The following USP34 variants were observed in gnomAD, a reference collection of about 807,000 sequenced individuals.
USP34 encodes the protein ubiquitin carboxyl-terminal hydrolase 34.
Under a neutral mutation model 460.3 loss-of-function variants are expected in USP34, and 70 were observed. The ratio of observed to expected loss-of-function variants is 0.15; its 90% confidence interval spans 0.13 to 0.19. USP34 has a LOEUF of 0.19. Ranked by LOEUF, USP34 falls within the 10% of genes least tolerant of loss-of-function variation. The pLI, the probability that USP34 is intolerant of heterozygous loss-of-function variation, is 1.00. For missense variants in USP34, 3,985 were observed against 4,236.2 expected (o/e 0.94, Z 1.65); for synonymous variants, 1,647 against 1,405.3 (o/e 1.17, Z -3.85).
intron 10 of USP34, among the ~76,000 whole-genome samples, chr2:61,365,496 T>C (rs1045236937): frequency 2.0e-5 from 3 of 151,970 alleles, no homozygotes; most frequent in Non-Finnish European, 4.4e-5. Flanking sequence ...TCTTTAAGAA[T>C]AAACAAAAGA....
chr2:61,391,003 G>A (rs975698881), intron 5 of USP34, among the ~76,000 whole-genome samples: 4 of 152,028 alleles, frequency 2.6e-5, no homozygotes, highest in Non-Finnish European at 5.9e-5. Flanking sequence ...GCTAAGGCAG[G>A]AGAATCGCTT....
intron 3 of USP34, among the ~76,000 whole-genome samples, chr2:61,400,110 ATTTT>A (rs70963424): frequency 3.5e-5 from 5 of 141,708 alleles, no homozygotes; most frequent in Admixed American, 7.1e-5. Flanking sequence ...AGGAAAGGCA[ATTTT>A]TTTTTTTTTT....
In USP34 at chr2:61,232,423, T is replaced by A. The variant is rs370341603; in HGVS notation, c.7113+29A>T. 932 of 1,540,168 alleles carry A rather than the reference T, an allele frequency of 6.1e-4. 8 individuals carry two copies. In the South Asian group the frequency reaches 9.1e-3, roughly 15 times the overall value. On this transcript the variant is annotated intron_variant, in intron 58 of 79. Transcript: ENST00000398571. ...AATTGAAAGTAACTTCTTTTCCAAATAATTTTTTTCAAACATATTTTTCCT... is the reference window on the plus strand; with the variant it reads ...AATTGAAAGTAACTTCTTTTCCAAAAAATTTTTTTCAAACATATTTTTCCT...
intron 10 of USP34, among the ~76,000 whole-genome samples, chr2:61,360,409 C>T (rs1235355700): frequency 6.6e-6 from 1 of 152,118 alleles, no homozygotes; most frequent in Non-Finnish European, 1.5e-5. Flanking sequence ...AGCAGGCTAT[C>T]TGAAAACGCA....
At chr2:61,365,189 T>A (rs550533696) in intron 10 of USP34, among the ~76,000 whole-genome samples, 2 of 148,248 alleles carry the variant, frequency 1.3e-5, no homozygotes, top group African/African-American at 5.0e-5. Context: ...GAGGGAGAGG[T>A]TGCAGTAAGC....
intron 51 of USP34, among the ~76,000 whole-genome samples, chr2:61,242,891 G>C (rs966102196): frequency 1.3e-5 from 2 of 151,952 alleles, no homozygotes; most frequent in East Asian, 1.9e-4. Context: ...TCATCTCCCA[G>C]GCTGGAGTGA....
intron 51 of USP34, among the ~76,000 whole-genome samples, chr2:61,242,503 G>A (rs530440601): frequency 1.7e-4 from 18 of 105,228 alleles, no homozygotes; most frequent in Non-Finnish European, 2.8e-4. Flanking sequence ...ACACACACAC[G>A]ATGCAAAGGA....
chr2:61,453,766 T>C (rs1364435258), intron 1 of USP34, among the ~76,000 whole-genome samples: 1 of 147,038 alleles, frequency 6.8e-6, no homozygotes, highest in Non-Finnish European at 1.5e-5. Context: ...AAACACCAAA[T>C]TTACATCTTG....
intron 61 of USP34, 119 bp downstream of exon 61, chr2:61,228,526 T>C (rs185489841): frequency 8.3e-5 from 64 of 774,252 alleles, no homozygotes; most frequent in Non-Finnish European, 1.1e-4. Context: ...CCCTTCATAT[T>C]ATCTAACACC....
At chr2:61,328,246 G>A (rs568107912) in intron 20 of USP34, among the ~76,000 whole-genome samples, 1 of 148,592 alleles carries the variant, frequency 6.7e-6, no homozygotes, top group East Asian at 2.0e-4. Context: ...AGGTTACAGT[G>A]AGCTGAGATC....
intron 1 of USP34, among the ~76,000 whole-genome samples, chr2:61,423,120 A>G (rs771674078): frequency 6.6e-6 from 1 of 152,292 alleles, no homozygotes. Flanking sequence ...GTCTTTTTAA[A>G]TTTTTGGTTT....
chr2:61,203,318 A>AT, intron 74 of USP34, 55 bp from the exon 75 acceptor site: 1 of 1,385,660 alleles, frequency 7.2e-7, no homozygotes, highest in South Asian at 2.0e-5. Context: ...TAAAGAGCAT[A>AT]TTTTGTGCAA....
intron 1 of USP34, among the ~76,000 whole-genome samples, chr2:61,422,109 G>A (rs948719325): frequency 6.6e-6 from 1 of 152,206 alleles, no homozygotes; most frequent in East Asian, 1.9e-4. Flanking sequence ...CTGACCATCA[G>A]GGAGAAGACC....
intron 48 of USP34, among the ~76,000 whole-genome samples, chr2:61,254,768 G>A (rs1688677946): frequency 6.6e-6 from 1 of 152,132 alleles, no homozygotes; most frequent in Non-Finnish European, 1.5e-5. Flanking sequence ...CCAACCTGGG[G>A]AACATGTGAA....
At chr2:61,443,896 T>G (rs1695038546) in intron 1 of USP34, among the ~76,000 whole-genome samples, 1 of 152,092 alleles carries the variant, frequency 6.6e-6, no homozygotes, top group African/African-American at 2.4e-5. Flanking sequence ...GGAGGAGGCT[T>G]CGTGTGTGGG....
At chr2:61,392,518 G>A in intron 5 of USP34, among the ~76,000 whole-genome samples, 1 of 152,096 alleles carries the variant, frequency 6.6e-6, no homozygotes, top group East Asian at 1.9e-4. Context: ...CAGCTACTAG[G>A]GAGGCTGAGG....
chr2:61,321,171 A>T (rs1690908497), intron 21 of USP34, among the ~76,000 whole-genome samples: 1 of 144,552 alleles, frequency 6.9e-6, no homozygotes, highest in Non-Finnish European at 1.5e-5. Context: ...CTGTCTCTTT[A>T]AAAAAAAAAA....
chr2:61,377,721 A>G (rs2694644), intron 8 of USP34, among the ~76,000 whole-genome samples: 4 of 151,990 alleles, frequency 2.6e-5, no homozygotes. Context: ...TCTGTTGTTT[A>G]TAAGTCATCC....
At chr2:61,271,620 A>G (rs1195036054) in intron 41 of USP34, among the ~76,000 whole-genome samples, 1 of 152,118 alleles carries the variant, frequency 6.6e-6, no homozygotes, top group Non-Finnish European at 1.5e-5. Flanking sequence ...AAAGGAAGGG[A>G]GGAGGAGAAA....
Sources: gnomAD v4.1 joint callset for allele counts (sites outside exome capture counted in the v4.1 genomes callset) on GRCh38, gnomAD v4.1.1 for gene constraint, MANE v1.5 for transcripts, NCBI Gene and HGNC (gene_info 2026-07-23, HGNC 2026-07-21) for gene names.